The following ZMAT3 variants were observed in gnomAD, a reference collection of about 807,000 sequenced individuals.
ZMAT3 encodes the protein zinc finger matrin-type protein 3.
A neutral mutation model predicts 32.3 loss-of-function variants in ZMAT3; 17 were observed. The observed-to-expected ratio is 0.53, with a 90% CI of 0.36 to 0.79. The LOEUF is 0.79. Among genes scored for constraint, ZMAT3 ranks in the 30% least tolerant of loss-of-function variants. The pLI is 0.00. For synonymous variants in ZMAT3, 120 were observed against 133.1 expected, an observed-to-expected ratio of 0.90 and a Z score of 0.68; for missense variants, 329 against 359.7, an observed-to-expected ratio of 0.91 and a Z score of 0.69.
Position 179,067,638 on chromosome 3 carries a change from A to G in ZMAT3, c.115T>C (p.Phe39Leu), listed in dbSNP as rs766452347. The change falls in exon 2 of 6, where the codon TTT (phenylalanine) becomes CTT (leucine). Residue 39 changes from phenylalanine (F) to leucine (L), a missense_variant. By Grantham distance (22) the Phe-to-Leu change is conservative. Coordinates refer to ENST00000311417, the MANE Select transcript of ZMAT3 (RefSeq NM_022470.4). ...AGAGGCAAGGAAGCCTCCTGCCCAA[A>G]AGGCTTCTGTGGTGGAAGCTGCAAG... ...GTLQLPPQKPFGQEASLPLAG... is the reference protein window; with the variant it reads ...GTLQLPPQKPLGQEASLPLAG... 2 of 1,614,034 alleles carry G rather than the reference A, an allele frequency of 1.2e-6. No individual in the cohort carries two copies. The highest frequency in any genetic ancestry group is 2.7e-5 in the African/African-American group (2 of 74,914).
chr3:179,044,221 G>C (rs1249204205), intron 2 of ZMAT3, among the ~76,000 whole-genome samples: 1 of 152,064 alleles, frequency 6.6e-6, no homozygotes, highest in Non-Finnish European at 1.5e-5. Flanking sequence ...CCCATTACTA[G>C]GTATATACCC....
At chr3:179,052,866 A>G (rs1482737882) in intron 2 of ZMAT3, among the ~76,000 whole-genome samples, 1 of 152,176 alleles carries the variant, frequency 6.6e-6, no homozygotes, top group Non-Finnish European at 1.5e-5. Flanking sequence ...GGTGGCTCAC[A>G]CCTGTCATCC....
At chr3:179,071,067 G>A (rs926477358) in intron 1 of ZMAT3, among the ~76,000 whole-genome samples, 3 of 152,108 alleles carry the variant, frequency 2.0e-5, no homozygotes, top group African/African-American at 4.8e-5. Context: ...GAAGGAATGA[G>A]AGGGAGAAAA....
intron 2 of ZMAT3, among the ~76,000 whole-genome samples, chr3:179,032,343 G>T (rs1037552364): frequency 6.6e-6 from 1 of 151,848 alleles, no homozygotes; most frequent in Non-Finnish European, 1.5e-5. Flanking sequence ...GCGTGATCTC[G>T]GCTTGCTACA....
chr3:179,067,715 T>C lies in ZMAT3; in HGVS notation c.38A>G (p.Lys13Arg), dbSNP rs1370926880. 1 of 1,614,086 alleles carries C rather than the reference T, an allele frequency of 6.2e-7. No individual in the cohort carries two copies. The highest frequency in any genetic ancestry group is 8.5e-7 in the Non-Finnish European group (1 of 1,180,004). Residue 13 changes from lysine to arginine, a missense_variant, in exon 2 of 6, where the codon AAG (lysine) becomes AGG (arginine). Physicochemically the swap from Lys to Arg is conservative, Grantham distance 26. Transcript: ENST00000311417. ...LLQHAVLPPP[K>R]QPSPSPPMSV... ...CATAGGAGGCGAGGGTGAGGGCTGCTTAGGTGGAGGAAGCACGGCGTGTTG... is the reference window on the plus strand; with the variant it reads ...CATAGGAGGCGAGGGTGAGGGCTGCCTAGGTGGAGGAAGCACGGCGTGTTG...
At chr3:179,067,944 G>A (rs776111430) in intron 1 of ZMAT3, 135 bp from the exon 2 acceptor site, 6 of 837,804 alleles carry the variant, frequency 7.2e-6, no homozygotes, top group Non-Finnish European at 9.0e-6. Flanking sequence ...TCTTTCCTTT[G>A]GCCTCATTTA....
At chr3:179,052,098 T>C (rs1720596577) in intron 2 of ZMAT3, among the ~76,000 whole-genome samples, 1 of 152,140 alleles carries the variant, frequency 6.6e-6, no homozygotes. Flanking sequence ...AAAACTCTTC[T>C]AGACATTGAC....
intron 1 of ZMAT3, among the ~76,000 whole-genome samples, chr3:179,071,002 C>T (rs1360875025): frequency 6.6e-6 from 1 of 151,998 alleles, no homozygotes. Context: ...ATTGGGAATT[C>T]TGGAAATGAG....
In ZMAT3 at chr3:179,022,479, T is replaced by C. The variant is rs1336335466; in HGVS notation, c.*2538A>G. The C allele has an allele frequency of 6.6e-6, 1 of 152,054 alleles. No individual in the cohort carries two copies. Among genetic ancestry groups the C allele is most frequent in the Non-Finnish European group, 1.5e-5 (1 of 68,000 alleles). The allele number at this position is 152,054 out of a possible 1,614,324, so 9.4% of individuals were successfully genotyped here. A position where few individuals can be genotyped will look rare whatever the true frequency, so the allele number is the denominator to read the frequency against. Reference sequence around the variant, plus strand: ...TACCTATGGAGGAAAAAAACTAGATTTTTAGGTAATCATAGAACCAAGCGG... The same window carrying C: ...TACCTATGGAGGAAAAAAACTAGATCTTTAGGTAATCATAGAACCAAGCGG... On this transcript the variant is annotated 3_prime_UTR_variant, in exon 6 of 6. Transcript: ENST00000311417.
chr3:179,062,430 T>A (rs1181891318), intron 2 of ZMAT3, among the ~76,000 whole-genome samples: 2 of 152,144 alleles, frequency 1.3e-5, no homozygotes, highest in East Asian at 1.9e-4. Context: ...GAAAAGGTGA[T>A]GAAATCCAGA....
chr3:179,052,570 C>T (rs1369975804), intron 2 of ZMAT3, among the ~76,000 whole-genome samples: 1 of 152,122 alleles, frequency 6.6e-6, no homozygotes, highest in East Asian at 1.9e-4. Flanking sequence ...GTACAACCAC[C>T]ATGGAAAACA....
rs893294486 is a variant in ZMAT3 at position 179,023,266 on chromosome 3, A to C, written c.*1751T>G. The C allele has an allele frequency of 6.6e-6, 1 of 151,782 alleles. No homozygotes were observed. The highest frequency in any genetic ancestry group is 1.5e-5 in the Non-Finnish European group (1 of 67,984). 9.4% of individuals were successfully genotyped at this position (151,782 alleles called of 1,614,324 possible). The stretch of plus-strand genomic sequence containing the variant: ...CAACCTCCACCTCCTGGGTTCATAC[A>C]ACTTCTTATTTTAAACGCAAAAAAA... On this transcript the variant is annotated 3_prime_UTR_variant, in exon 6 of 6. Transcript: ENST00000311417.
chr3:179,053,203 A>G (rs539915434), intron 2 of ZMAT3, among the ~76,000 whole-genome samples: 2 of 150,746 alleles, frequency 1.3e-5, no homozygotes, highest in South Asian at 2.1e-4. Flanking sequence ...TATAGATATA[A>G]AATATATCTA....
rs555757527 is a variant in ZMAT3 at position 179,048,146 on chromosome 3, G to A, written c.271-17147C>T. On this transcript the variant is annotated intron_variant, in intron 2 of 5. Transcript: ENST00000311417. ...ATTTTTAAAAAATGAACAAAGCCTCGAAGAAGTTTGAGATTACGATAAACG... is the reference window on the plus strand; with the variant it reads ...ATTTTTAAAAAATGAACAAAGCCTCAAAGAAGTTTGAGATTACGATAAACG... Among the ~76,000 whole-genome samples the A allele has an allele frequency of 1.6e-4, 24 of 152,268 alleles. No individual in the cohort carries two copies. In the South Asian group the frequency reaches 3.5e-3, roughly 22 times the overall value.
rs879766842 is a variant in ZMAT3, at chr3:179,060,387, A to AT, written c.270+7095dup. Among the ~76,000 whole-genome samples, 208 of 147,450 alleles carry AT rather than the reference A, an allele frequency of 1.4e-3. 2 individuals carry two copies. Among genetic ancestry groups the AT allele is most frequent in the African/African-American group, 3.6e-3 (144 of 40,430 alleles). ...TGGAGAATAGTGACTAAGAAAGAAT[A>AT]TTTTTTTTTTTTGGGAGACCAAGGC... is the stretch of plus-strand genomic sequence containing the variant. On this transcript the variant is annotated intron_variant, in intron 2 of 5. Coordinates refer to ENST00000311417, the MANE Select transcript of ZMAT3 (RefSeq NM_022470.4).
rs113317384 is a variant in ZMAT3 at position 179,067,142 on chromosome 3, G to A, written c.270+341C>T. ...TTTTGTTTGTCTGAGACAAAGTCTC[G>A]CTCTGTCACCCAGGCTGGTAAATAG... On this transcript the variant is annotated intron_variant, in intron 2 of 5. Coordinates refer to ENST00000311417, the MANE Select transcript of ZMAT3 (RefSeq NM_022470.4). Among the ~76,000 whole-genome samples the A allele has an allele frequency of 3.1e-4, 47 of 152,218 alleles. 1 individual carries two copies. The highest frequency in any genetic ancestry group is 1.1e-3 in the African/African-American group (45 of 41,528).
At position 179,067,535 on chromosome 3, in the gene ZMAT3, T is replaced by C. The variant is rs765068726; in HGVS notation, c.218A>G (p.Lys73Arg). Reference protein sequence around the residue: ...LEELCKPLYCKLCNVTLNSAQ... With the variant: ...LEELCKPLYCRLCNVTLNSAQ... ...AGAGTTCAAGGTGACATTGCAGAGT[T>C]TGCAGTACAGGGGCTTACATAGCTC... The change falls in exon 2 of 6, where the codon AAA (lysine) becomes AGA (arginine). Residue 73 changes from lysine (K) to arginine (R), a missense_variant. Coordinates refer to ENST00000311417, the MANE Select transcript of ZMAT3 (RefSeq NM_022470.4). The C allele has an allele frequency of 1.9e-6, 3 of 1,614,114 alleles. No homozygotes were observed. The highest frequency in any genetic ancestry group is 2.5e-6 in the Non-Finnish European group (3 of 1,180,046).
intron 5 of ZMAT3, among the ~76,000 whole-genome samples, chr3:179,026,025 T>G (rs1718848378): frequency 6.6e-6 from 1 of 152,214 alleles, no homozygotes; most frequent in African/African-American, 2.4e-5. Context: ...TTTCACTGCA[T>G]CCTACAAGTG....
At chr3:179,055,824 T>C (rs1221566347) in intron 2 of ZMAT3, among the ~76,000 whole-genome samples, 1 of 152,214 alleles carries the variant, frequency 6.6e-6, no homozygotes, top group Non-Finnish European at 1.5e-5. Context: ...CCGCTGTAAC[T>C]GCAGCCCGAG....
Sources: allele counts gnomAD v4.1 joint callset (sites outside exome capture counted in the v4.1 genomes callset), GRCh38; gene constraint gnomAD v4.1.1; transcripts MANE v1.5; gene names NCBI Gene and HGNC (gene_info 2026-07-23, HGNC 2026-07-21).